APTX: variants seen among roughly 807,000 people sequenced by gnomAD.
The protein encoded by APTX is aprataxin, also known as forkhead-associated domain histidine triad-like protein.
Under a neutral mutation model 42.3 loss-of-function variants are expected in APTX, and 33 were observed. That is an observed-to-expected ratio of 0.78 (90% confidence interval 0.59 to 1.04). The LOEUF (loss-of-function observed/expected upper bound fraction) is 1.04, where lower values mean the gene tolerates loss of function less well. Among genes scored for constraint, APTX ranks in the 50% least tolerant of loss-of-function variants. The pLI, the probability that APTX is intolerant of heterozygous loss-of-function variation, is 0.00. For missense variants in APTX, 421 were observed against 415.1 expected, an observed-to-expected ratio of 1.01 and a Z score of -0.12; for synonymous variants, 130 against 146.7, an observed-to-expected ratio of 0.89 and a Z score of 0.82.
intron 1 of APTX, among the ~76,000 whole-genome samples, chr9:33,008,977 C>G (rs990640797): frequency 7.2e-5 from 11 of 152,192 alleles, no homozygotes; most frequent in African/African-American, 2.7e-4. Flanking sequence ...AAAAACTACA[C>G]CCTGTAAATT....
upstream of APTX, among the ~76,000 whole-genome samples, chr9:33,001,996 C>A (rs1361505588): frequency 6.6e-6 from 1 of 152,236 alleles, no homozygotes. Context: ...TGCTGTAGCA[C>A]TGCTACTTGC....
At chr9:33,019,428 A>G (rs1450780038) in intron 1 of APTX, among the ~76,000 whole-genome samples, 1 of 152,216 alleles carries the variant, frequency 6.6e-6, no homozygotes, top group Non-Finnish European at 1.5e-5. Context: ...AACATAAAAA[A>G]TAGCATTTCA....
intron 1 of APTX, among the ~76,000 whole-genome samples, chr9:33,019,296 C>G (rs185658897): frequency 6.6e-6 from 1 of 151,734 alleles, no homozygotes; most frequent in East Asian, 1.9e-4. Context: ...TGAAATTGTA[C>G]GTAGTCAGAA....
intron 1 of APTX, among the ~76,000 whole-genome samples, chr9:32,993,455 T>C (rs1834111171): frequency 6.6e-6 from 1 of 152,238 alleles, no homozygotes; most frequent in African/African-American, 2.4e-5. Context: ...TCATGTCCAT[T>C]TTCGCTTATC....
intron 1 of APTX, among the ~76,000 whole-genome samples, chr9:33,020,716 C>G (rs1838304962): frequency 6.6e-6 from 1 of 152,252 alleles, no homozygotes; most frequent in Admixed American, 6.5e-5. Flanking sequence ...CAGTGTCTCT[C>G]AAGAGCCTTC....
intron 6 of APTX, among the ~76,000 whole-genome samples, chr9:32,979,393 A>G (rs1305563945): frequency 1.3e-5 from 2 of 152,170 alleles, no homozygotes; most frequent in African/African-American, 4.8e-5. Flanking sequence ...ATGGCTGTGT[A>G]GTATTCCATG....
chr9:33,022,002 C>A (rs7864363), intron 1 of APTX, among the ~76,000 whole-genome samples: 1 of 150,376 alleles, frequency 6.6e-6, no homozygotes, highest in South Asian at 2.1e-4. Context: ...AGTACTAGAC[C>A]TAACCTGTAA....
upstream of APTX, among the ~76,000 whole-genome samples, chr9:33,005,786 G>C (rs1174234352): frequency 6.6e-6 from 1 of 152,108 alleles, no homozygotes; most frequent in Non-Finnish European, 1.5e-5. Context: ...TCAATTTTTT[G>C]CATGTGGATA....
chr9:33,020,531 TA>T (rs1419171049), intron 1 of APTX, among the ~76,000 whole-genome samples: 1 of 152,218 alleles, frequency 6.6e-6, no homozygotes, highest in African/African-American at 2.4e-5. Flanking sequence ...AATTTAAATG[TA>T]ATCAAATCAG....
chr9:33,014,756 GC>G (rs1408570540), intron 1 of APTX, among the ~76,000 whole-genome samples: 1 of 152,188 alleles, frequency 6.6e-6, no homozygotes, highest in Non-Finnish European at 1.5e-5. Context: ...TAGAAGTATT[GC>G]TGTAGCTCAG....
intron 1 of APTX, among the ~76,000 whole-genome samples, chr9:33,018,236 G>A (rs1838062479): frequency 6.7e-6 from 1 of 149,512 alleles, no homozygotes; most frequent in Non-Finnish European, 1.5e-5. Context: ...TCAGCCTCCC[G>A]AGTAGCTGGG....
chr9:32,999,971 T>C (rs78205608), intron 1 of APTX, among the ~76,000 whole-genome samples: 6,171 of 151,940 alleles, frequency 0.041, 195 homozygotes, highest in East Asian at 0.13. Flanking sequence ...AATATAAAAA[T>C]AAAAATAAAA....
At chr9:33,021,718 T>C (rs2119327014) in intron 1 of APTX, among the ~76,000 whole-genome samples, 1 of 152,090 alleles carries the variant, frequency 6.6e-6, no homozygotes, top group South Asian at 2.1e-4. Flanking sequence ...ATAAGATTAG[T>C]GTTAGACAAA....
At chr9:33,018,980 C>A (rs1838140980) in intron 1 of APTX, among the ~76,000 whole-genome samples, 1 of 152,104 alleles carries the variant, frequency 6.6e-6, no homozygotes, top group Non-Finnish European at 1.5e-5. Context: ...GATATGATAA[C>A]TCAAAGTAAT....
chr9:33,009,074 G>C (rs1377484350), intron 1 of APTX, among the ~76,000 whole-genome samples: 1 of 152,144 alleles, frequency 6.6e-6, no homozygotes, highest in Non-Finnish European at 1.5e-5. Flanking sequence ...ACTATGTGCT[G>C]ATTTCTTGAA....
intron 6 of APTX, chr9:32,980,061 C>T (rs749613101): frequency 6.5e-6 from 1 of 153,462 alleles, no homozygotes; most frequent in Non-Finnish European, 1.5e-5. Context: ...GAGCATTTGT[C>T]TCACCCTCTC....
chr9:32,996,448 T>A (rs993947935), intron 1 of APTX, among the ~76,000 whole-genome samples: 35 of 152,038 alleles, frequency 2.3e-4, no homozygotes, highest in Non-Finnish European at 4.3e-4. Context: ...GCTAATTTAT[T>A]TTATTTTGAG....
upstream of APTX, among the ~76,000 whole-genome samples, chr9:33,003,005 GCCA>G (rs1431493692): frequency 6.6e-6 from 1 of 152,170 alleles, no homozygotes; most frequent in Non-Finnish European, 1.5e-5. Context: ...CATCTCAGCA[GCCA>G]CACAGGCCTT....
At position 33,001,603 on chromosome 9, in the gene APTX, ATC is replaced by A; in HGVS notation, c.-43_-42del. On this transcript the variant is annotated 5_prime_UTR_variant, in exon 1 of 8. In the 5' UTR this introduces an upstream ATG that the reference lacks. Transcript: ENST00000379817. ...GGAGACGGACAAATTCACGTTACTC[ATC>A]TGTGCCTCACCGCTTCCGGCGCTGC... The A allele has an allele frequency of 6.2e-7, 1 of 1,613,864 alleles. No homozygotes were observed. The highest frequency in any genetic ancestry group is 8.5e-7 in the Non-Finnish European group (1 of 1,179,916).
Sources: gnomAD v4.1 joint callset for allele counts (sites outside exome capture counted in the v4.1 genomes callset) on GRCh38, gnomAD v4.1.1 for gene constraint, MANE v1.5 for transcripts, NCBI Gene and HGNC (gene_info 2026-07-23, HGNC 2026-07-21) for gene names.